Variants in JAM3 observed in about 807,000 individuals in gnomAD.
The protein encoded by JAM3 is junctional adhesion molecule 3.
A neutral mutation model predicts 39.4 loss-of-function variants in JAM3; 31 were observed. The observed-to-expected ratio is 0.79, with a 90% CI of 0.59 to 1.06. The LOEUF (loss-of-function observed/expected upper bound fraction) is 1.06. JAM3 is among the 50% of genes least tolerant of loss of function. The pLI, the probability that JAM3 is intolerant of heterozygous loss-of-function variation, is 0.00. For missense variants in JAM3, 455 were observed against 391.4 expected (o/e 1.16, Z -1.37); for synonymous variants, 182 against 148.7 (o/e 1.22, Z -1.63).
At chr11:134,071,479 T>C (rs77692824) in intron 1 of JAM3, among the ~76,000 whole-genome samples, 1,558 of 152,346 alleles carry the variant, frequency 0.01, 22 homozygotes, top group African/African-American at 0.035. Context: ...AATATTCTTT[T>C]GTTGACTCAT....
intron 1 of JAM3, among the ~76,000 whole-genome samples, chr11:134,100,550 T>G (rs1942055545): frequency 6.6e-6 from 1 of 152,206 alleles, no homozygotes; most frequent in Non-Finnish European, 1.5e-5. Context: ...GAGTCCTGTT[T>G]CCCAACTGCT....
At chr11:134,125,683 C>T (rs1227689572) in intron 1 of JAM3, among the ~76,000 whole-genome samples, 1 of 152,168 alleles carries the variant, frequency 6.6e-6, no homozygotes, top group Non-Finnish European at 1.5e-5. Flanking sequence ...CTGTGAGACG[C>T]AGCACAGAAT....
At chr11:134,145,574 C>T in intron 5 of JAM3, 1 of 352,852 alleles carries the variant, frequency 2.8e-6, no homozygotes, top group Non-Finnish European at 5.5e-6. Context: ...TGGGAGGTAC[C>T]TTCTGATCTG....
At chr11:134,105,399 A>C (rs1174651211) in intron 1 of JAM3, among the ~76,000 whole-genome samples, 1 of 152,228 alleles carries the variant, frequency 6.6e-6, no homozygotes, top group Non-Finnish European at 1.5e-5. Flanking sequence ...CCAATATCAT[A>C]CCGAATGGGC....
chr11:134,144,476 CT>C (rs1392778682), intron 4 of JAM3, 83 bp downstream of exon 4: 23 of 1,519,346 alleles, frequency 1.5e-5, no homozygotes, highest in African/African-American at 2.7e-5. Context: ...CCTTCTAGAA[CT>C]GTATCCCTGA....
At chr11:134,103,540 A>G (rs932420639) in intron 1 of JAM3, among the ~76,000 whole-genome samples, 74 of 152,352 alleles carry the variant, frequency 4.9e-4, no homozygotes, top group African/African-American at 1.7e-3. Flanking sequence ...AATGGGCTAA[A>G]TGCTCCAATT....
At chr11:134,085,925 G>T (rs1051346134) in intron 1 of JAM3, among the ~76,000 whole-genome samples, 2 of 152,040 alleles carry the variant, frequency 1.3e-5, no homozygotes, top group African/African-American at 2.4e-5. Flanking sequence ...ACGTATTATC[G>T]CCTTAACAGA....
intron 1 of JAM3, among the ~76,000 whole-genome samples, chr11:134,114,698 G>A (rs752070008): frequency 2.6e-5 from 4 of 152,082 alleles, no homozygotes; most frequent in Admixed American, 6.5e-5. Flanking sequence ...TTTCACTGTG[G>A]TCAGAAAACA....
chr11:134,111,961 C>G (rs949348017), intron 1 of JAM3, among the ~76,000 whole-genome samples: 6 of 152,202 alleles, frequency 3.9e-5, no homozygotes. Context: ...ACCACAACCT[C>G]CATAATCACA....
intron 1 of JAM3, among the ~76,000 whole-genome samples, chr11:134,101,451 C>G (rs549862192): frequency 5.9e-5 from 9 of 152,244 alleles, no homozygotes; most frequent in Admixed American, 5.9e-4. Context: ...AGTGTTCTTT[C>G]CATCCTAGTG....
intron 1 of JAM3, among the ~76,000 whole-genome samples, chr11:134,071,230 A>G (rs1941480055): frequency 3.9e-5 from 6 of 152,312 alleles, no homozygotes; most frequent in Admixed American, 3.3e-4. Context: ...TTTAATCTTG[A>G]TAACTCTAAG....
intron 1 of JAM3, among the ~76,000 whole-genome samples, chr11:134,137,312 A>G (rs1942885264): frequency 6.6e-6 from 1 of 152,214 alleles, no homozygotes. Flanking sequence ...TTTACCTTTT[A>G]TGTCCTCTAG....
At chr11:134,082,314 G>A (rs1941679448) in intron 1 of JAM3, among the ~76,000 whole-genome samples, 1 of 152,214 alleles carries the variant, frequency 6.6e-6, no homozygotes, top group Admixed American at 6.5e-5. Flanking sequence ...GCTGAAATGA[G>A]CTAAACTTTT....
At chr11:134,129,976 T>G (rs1187521196) in intron 1 of JAM3, among the ~76,000 whole-genome samples, 1 of 152,156 alleles carries the variant, frequency 6.6e-6, no homozygotes, top group Non-Finnish European at 1.5e-5. Flanking sequence ...CACTCCAGCC[T>G]TGGTTACAGA....
Position 134,150,019 on chromosome 11 carries a change from A to G in JAM3, c.*838A>G, listed in dbSNP as rs1470959131. On this transcript the variant is annotated 3_prime_UTR_variant, in exon 9 of 9. Transcript: ENST00000299106. ...ATTGTCATACAATGTTAAATAACCT[A>G]TTTTTTTAAAAAAGTTCAACTTAAG... is the stretch of plus-strand genomic sequence containing the variant. 1 of 153,272 alleles carries G rather than the reference A, an allele frequency of 6.5e-6. No individual in the cohort carries two copies. The highest frequency in any genetic ancestry group is 2.4e-5 in the African/African-American group (1 of 41,420). 9.5% of individuals were successfully genotyped at this position (153,272 alleles called of 1,614,324 possible).
chr11:134,144,742 A>C (rs766151260), intron 4 of JAM3, 50 bp from the exon 5 acceptor site: 1 of 1,503,212 alleles, frequency 6.7e-7, no homozygotes, highest in Non-Finnish European at 9.3e-7. Context: ...CTTTAATAAG[A>C]ATAGAGCCCT....
intron 1 of JAM3, among the ~76,000 whole-genome samples, chr11:134,120,022 T>C (rs1409602254): frequency 6.6e-6 from 1 of 152,216 alleles, no homozygotes; most frequent in Non-Finnish European, 1.5e-5. Flanking sequence ...AATGCTGATA[T>C]GTGTTCTTTA....
chr11:134,071,747 A>G (rs1326682769), intron 1 of JAM3, among the ~76,000 whole-genome samples: 1 of 152,178 alleles, frequency 6.6e-6, no homozygotes, highest in African/African-American at 2.4e-5. Flanking sequence ...GACTCCAGTA[A>G]CGTTTTTTAG....
At chr11:134,137,889 A>T (rs1270584) in intron 1 of JAM3, among the ~76,000 whole-genome samples, 30 of 50,766 alleles carry the variant, frequency 5.9e-4, no homozygotes, top group African/African-American at 1.5e-3. Flanking sequence ...GCGTCTCGTC[A>T]AAGTCGTGGT....
Sources: gnomAD v4.1 joint callset for allele counts (sites outside exome capture counted in the v4.1 genomes callset) on GRCh38, gnomAD v4.1.1 for gene constraint, MANE v1.5 for transcripts, NCBI Gene and HGNC (gene_info 2026-07-23, HGNC 2026-07-21) for gene names.